SNTB1: variants seen among roughly 807,000 people sequenced by gnomAD.
SNTB1 encodes syntrophin beta 1.
SNTB1 carries 36 observed loss-of-function variants against 48.9 expected under a neutral mutation model. The observed-to-expected ratio is 0.74, with a 90% confidence interval of 0.56 to 0.97. The LOEUF (loss-of-function observed/expected upper bound fraction) is 0.97. Among genes scored for constraint, SNTB1 ranks in the 50% least tolerant of loss-of-function variants. The pLI, the probability that SNTB1 is intolerant of heterozygous loss-of-function variation, is 0.00. For synonymous variants in SNTB1, 299 were observed against 294.6 expected (o/e 1.01, Z -0.15); for missense variants, 786 against 703.4 (o/e 1.12, Z -1.33).
At position 120,687,707 on chromosome 8, in the gene SNTB1, C is replaced by T. The variant is rs1175327618; in HGVS notation, c.788+5985G>A. Among the ~76,000 whole-genome samples, 5 of 152,322 alleles carry T rather than the reference C, an allele frequency of 3.3e-5. No individual in the cohort carries two copies. In the East Asian group the frequency reaches 7.7e-4, roughly 23 times the overall value. ...TCCACATTGTTTTGGGTTATTAATA[C>T]TTAGTGTTCTGGCATTCTGCTCATA... On this transcript the variant is annotated intron_variant, in intron 2 of 6. Coordinates refer to ENST00000517992, the MANE Select transcript of SNTB1 (RefSeq NM_021021.4).
At chr8:120,583,740 T>G (rs1259479511) in intron 3 of SNTB1, among the ~76,000 whole-genome samples, 1 of 152,056 alleles carries the variant, frequency 6.6e-6, no homozygotes, top group Non-Finnish European at 1.5e-5. Context: ...TCCAACCCAT[T>G]CTATAGACTA....
At chr8:120,749,799 C>G (rs1819181882) in intron 1 of SNTB1, among the ~76,000 whole-genome samples, 2 of 152,116 alleles carry the variant, frequency 1.3e-5, no homozygotes, top group South Asian at 4.1e-4. Flanking sequence ...AAGGTCTGTG[C>G]TGCTCTTGGA....
chr8:120,537,850 G>C lies in SNTB1; in HGVS notation c.*1027C>G, dbSNP rs1180125616. ...TCAATAGATTTGATTATAGCATTCAGTCTATATGTAAAACCCAGCATTATC... is the reference window on the plus strand; with the variant it reads ...TCAATAGATTTGATTATAGCATTCACTCTATATGTAAAACCCAGCATTATC... On this transcript the variant is annotated 3_prime_UTR_variant, in exon 7 of 7. Coordinates refer to ENST00000517992, the MANE Select transcript of SNTB1 (RefSeq NM_021021.4). 2 of 152,156 alleles carry C rather than the reference G, an allele frequency of 1.3e-5. No individual in the cohort carries two copies. Among genetic ancestry groups the C allele is most frequent in the African/African-American group, 4.8e-5 (2 of 41,434 alleles). The allele number at this position is 152,156 out of a possible 1,614,324, so 9.4% of individuals were successfully genotyped here.
At chr8:120,709,085 A>C (rs1393401334) in intron 1 of SNTB1, among the ~76,000 whole-genome samples, 2 of 151,960 alleles carry the variant, frequency 1.3e-5, no homozygotes, top group African/African-American at 4.8e-5. Flanking sequence ...AATGGAAGGA[A>C]GGGAGGAAAG....
chr8:120,642,919 AAAAAC>A (rs977219830), intron 2 of SNTB1, among the ~76,000 whole-genome samples: 2 of 152,216 alleles, frequency 1.3e-5, no homozygotes, highest in East Asian at 1.9e-4. Flanking sequence ...TGAAAAACAA[AAAAAC>A]AAAACAAAAC....
intron 1 of SNTB1, among the ~76,000 whole-genome samples, chr8:120,752,988 A>G (rs202181117): frequency 1.3e-5 from 1 of 77,824 alleles, no homozygotes; most frequent in Non-Finnish European, 2.3e-5. Context: ...AAGCTGGAAG[A>G]AAAAAAAAAA....
chr8:120,682,650 T>C (rs535305357), intron 2 of SNTB1, among the ~76,000 whole-genome samples: 17 of 152,244 alleles, frequency 1.1e-4, no homozygotes, highest in African/African-American at 3.9e-4. Flanking sequence ...CATAACAAAG[T>C]ATTTCACATG....
chr8:120,616,477 G>GTTTT (rs767343933), intron 3 of SNTB1, among the ~76,000 whole-genome samples: 1 of 128,216 alleles, frequency 7.8e-6, no homozygotes, highest in African/African-American at 2.9e-5. Flanking sequence ...ACTAAAAAAA[G>GTTTT]TTTTTTTTTT....
chr8:120,629,333 A>G (rs181694342), intron 3 of SNTB1, among the ~76,000 whole-genome samples: 3 of 152,356 alleles, frequency 2.0e-5, no homozygotes, highest in East Asian at 3.9e-4. Flanking sequence ...TTGTTGTTTC[A>G]TATTGTTTGA....
intron 3 of SNTB1, among the ~76,000 whole-genome samples, chr8:120,610,958 C>T (rs1338670057): frequency 6.6e-6 from 1 of 152,138 alleles, no homozygotes; most frequent in African/African-American, 2.4e-5. Context: ...GTAACACTTC[C>T]CCCCTCAAGA....
intron 1 of SNTB1, among the ~76,000 whole-genome samples, chr8:120,785,811 GA>G (rs1047531401): frequency 6.6e-6 from 1 of 152,160 alleles, no homozygotes; most frequent in Non-Finnish European, 1.5e-5. Flanking sequence ...CTCCTGGCTG[GA>G]AGCCAGCCAT....
intron 3 of SNTB1, among the ~76,000 whole-genome samples, chr8:120,625,709 ACT>A (rs1199104674): frequency 1.3e-5 from 2 of 152,176 alleles, no homozygotes; most frequent in Admixed American, 6.5e-5. Context: ...GAACTTGATG[ACT>A]CTCTTTTAAA....
intron 3 of SNTB1, among the ~76,000 whole-genome samples, chr8:120,616,745 C>A (rs1816722012): frequency 6.6e-6 from 1 of 152,244 alleles, no homozygotes; most frequent in African/African-American, 2.4e-5. Context: ...TCAAACTAAT[C>A]ATTTCAACAC....
chr8:120,566,756 T>C (rs1815755977), intron 4 of SNTB1, among the ~76,000 whole-genome samples: 1 of 152,168 alleles, frequency 6.6e-6, no homozygotes, highest in Non-Finnish European at 1.5e-5. Context: ...AGTTGAACAT[T>C]TGCTTGTTTA....
chr8:120,704,553 A>G (rs1226685701), intron 1 of SNTB1, among the ~76,000 whole-genome samples: 1 of 152,238 alleles, frequency 6.6e-6, no homozygotes, highest in Non-Finnish European at 1.5e-5. Flanking sequence ...GTTTTCATAA[A>G]GAAAAAAGAT....
chr8:120,646,395 A>G (rs1365570093), intron 2 of SNTB1, among the ~76,000 whole-genome samples: 2 of 148,736 alleles, frequency 1.3e-5, no homozygotes, highest in Non-Finnish European at 3.0e-5. Context: ...ATTTTGTCAA[A>G]GGCTTTTTCT....
intron 1 of SNTB1, 136 bp from the exon 2 acceptor site, chr8:120,694,044 A>T: frequency 1.4e-6 from 1 of 706,682 alleles, no homozygotes; most frequent in Non-Finnish European, 2.4e-6. Flanking sequence ...CGAGATTTTG[A>T]ATTTTTGTTC....
At chr8:120,808,511 A>C (rs1388414927) in intron 1 of SNTB1, among the ~76,000 whole-genome samples, 2 of 152,256 alleles carry the variant, frequency 1.3e-5, no homozygotes, top group Non-Finnish European at 2.9e-5. Context: ...GTCCTTGAGA[A>C]GGGATAGTTT....
intron 2 of SNTB1, among the ~76,000 whole-genome samples, chr8:120,650,330 A>C (rs529880111): frequency 6.6e-6 from 1 of 152,288 alleles, no homozygotes; most frequent in African/African-American, 2.4e-5. Flanking sequence ...AGCAGCATGA[A>C]ACCACTAAAT....
Sources: gnomAD v4.1 joint callset for allele counts (sites outside exome capture counted in the v4.1 genomes callset) on GRCh38, gnomAD v4.1.1 for gene constraint, MANE v1.5 for transcripts, NCBI Gene and HGNC (gene_info 2026-07-23, HGNC 2026-07-21) for gene names.